The following GSDMC variants were observed in gnomAD, a reference collection of about 807,000 sequenced individuals.
GSDMC encodes gasdermin-C.
Under a neutral mutation model 58.0 loss-of-function variants are expected in GSDMC, and 59 were observed. The observed-to-expected ratio is 1.02, with a 90% confidence interval of 0.82 to 1.26. GSDMC has a LOEUF of 1.26. Ranked by LOEUF, GSDMC falls within the 50% of genes most tolerant of loss-of-function variation. The pLI is 0.00. For missense variants in GSDMC, 659 were observed against 598.5 expected (o/e 1.10, Z -1.06); for synonymous variants, 241 against 220.2 (o/e 1.09, Z -0.83).
At chr8:129,708,765 C>A in the GSDMC span, among the ~76,000 whole-genome samples, 19 of 152,392 alleles carry the variant, frequency 1.2e-4, no homozygotes, top group Middle Eastern at 6.8e-3. Flanking sequence ...TAACAGCAAA[C>A]AAAACAGCTG....
intron 12 of GSDMC, 54 bp from the exon 13 acceptor site, chr8:129,749,579 C>T: frequency 2.2e-6 from 3 of 1,351,998 alleles, no homozygotes; most frequent in Non-Finnish European, 3.2e-6. Context: ...CAGATTTTTC[C>T]TCCCACCATA....
chr8:129,785,794 T>A (rs2034539196), intron 1 of GSDMC, among the ~76,000 whole-genome samples: 1 of 152,082 alleles, frequency 6.6e-6, no homozygotes, highest in Non-Finnish European at 1.5e-5. Context: ...GATGCTTCTT[T>A]AAGACTGGAC....
At chr8:129,729,301 G>T in the GSDMC span, 3 of 566,930 alleles carry the variant, frequency 5.3e-6, no homozygotes, top group East Asian at 4.0e-5. Flanking sequence ...ATAGGCACAT[G>T]AAATTTGTTT....
chr8:129,728,113 C>G, the GSDMC span, among the ~76,000 whole-genome samples: 4 of 152,090 alleles, frequency 2.6e-5, no homozygotes, highest in Non-Finnish European at 5.9e-5. Flanking sequence ...AAGGTCTTCA[C>G]TGCTCTACAC....
downstream of GSDMC, among the ~76,000 whole-genome samples, chr8:129,743,407 T>G (rs2032904951): frequency 6.6e-6 from 1 of 152,192 alleles, no homozygotes; most frequent in African/African-American, 2.4e-5. Context: ...ATTTTTTAGC[T>G]CTAGACATTC....
At chr8:129,736,802 A>G in the GSDMC span, among the ~76,000 whole-genome samples, 4 of 152,022 alleles carry the variant, frequency 2.6e-5, no homozygotes, top group African/African-American at 9.7e-5. Flanking sequence ...CAATCAGGCA[A>G]GAGAAAGAAA....
intron 1 of GSDMC, among the ~76,000 whole-genome samples, chr8:129,784,255 G>C (rs2034494704): frequency 6.6e-6 from 1 of 151,958 alleles, no homozygotes; most frequent in African/African-American, 2.4e-5. Flanking sequence ...ATCTCATCAA[G>C]TTACAAAGCT....
intron 3 of GSDMC, among the ~76,000 whole-genome samples, chr8:129,775,814 T>C (rs1347386293): frequency 6.6e-6 from 1 of 152,250 alleles, no homozygotes; most frequent in African/African-American, 2.4e-5. Context: ...CCACTAAATG[T>C]AAGCTGCTTT....
At chr8:129,737,038 C>A in the GSDMC span, among the ~76,000 whole-genome samples, 1 of 152,140 alleles carries the variant, frequency 6.6e-6, no homozygotes, top group African/African-American at 2.4e-5. Flanking sequence ...CTCCCATTCA[C>A]AATTGCTACA....
rs2034108500 is a variant in GSDMC, at chr8:129,772,927, T to G, written c.404+3175A>C. Among the ~76,000 whole-genome samples, 4 of 152,256 alleles carry G rather than the reference T, an allele frequency of 2.6e-5. No homozygotes were observed. The South Asian group carries it at 8.3e-4, about 32-fold the overall frequency. On this transcript the variant is annotated intron_variant, in intron 3 of 13. Transcript: ENST00000276708. ...AAAAGGAACATACACCACAAACAAG[T>G]GGAATTTATACCTGGAATGAAAGGA...
chr8:129,710,486 C>A, the GSDMC span, among the ~76,000 whole-genome samples: 1 of 152,284 alleles, frequency 6.6e-6, no homozygotes, highest in Middle Eastern at 3.4e-3. Context: ...GAATCAGGGT[C>A]CTGGGCTTTT....
At chr8:129,733,019 G>A in the GSDMC span, among the ~76,000 whole-genome samples, 2 of 152,250 alleles carry the variant, frequency 1.3e-5, no homozygotes, top group Non-Finnish European at 2.9e-5. Context: ...TCCCGCATGT[G>A]GCTCAGCAGG....
At chr8:129,712,332 A>G in the GSDMC span, among the ~76,000 whole-genome samples, 1 of 152,236 alleles carries the variant, frequency 6.6e-6, no homozygotes. Context: ...TGGATGGTCC[A>G]GGATAGTCTA....
chr8:129,749,534 G>A lies in GSDMC; in HGVS notation c.1214-9C>T, dbSNP rs2033084367. 1 of 1,608,828 alleles carries A rather than the reference G, an allele frequency of 6.2e-7. No individual in the cohort carries two copies. The highest frequency in any genetic ancestry group is 1.3e-5 in the African/African-American group (1 of 74,818). On this transcript the variant is annotated splice_polypyrimidine_tract_variant and intron_variant, in intron 12 of 13. Transcript: ENST00000276708. ...TTGGAAGTCACTCAGCACTGAGGGT[G>A]GGGGACATGTGGGGAAAGACAGTAG...
chr8:129,730,434 CA>C, the GSDMC span: 2 of 1,115,474 alleles, frequency 1.8e-6, no homozygotes, highest in South Asian at 1.7e-5. Context: ...AATTATTTCC[CA>C]AAAAGTTTAA....
intron 12 of GSDMC, among the ~76,000 whole-genome samples, 197 bp from the exon 13 acceptor site, chr8:129,749,722 C>T (rs1046650309): frequency 2.0e-4 from 31 of 152,286 alleles, no homozygotes; most frequent in African/African-American, 5.3e-4. Flanking sequence ...GACCAGAGGA[C>T]GGGATTCAGG....
chr8:129,734,851 A>C, the GSDMC span, among the ~76,000 whole-genome samples: 1 of 152,238 alleles, frequency 6.6e-6, no homozygotes, highest in African/African-American at 2.4e-5. Flanking sequence ...TGTTCCAATT[A>C]AAAGACACAG....
chr8:129,705,728 C>G, the GSDMC span: 1 of 152,128 alleles, frequency 6.6e-6, no homozygotes, highest in African/African-American at 2.4e-5. Context: ...GGGACACAAC[C>G]AAACCATATC....
chr8:129,748,819 C>A (rs2033047883), intron 13 of GSDMC, 79 bp from the exon 14 acceptor site: 1 of 1,220,682 alleles, frequency 8.2e-7, no homozygotes, highest in Non-Finnish European at 1.1e-6. Context: ...TATCCAGGGG[C>A]CATGCAGGAT....
Sources: gnomAD v4.1 joint callset for allele counts (sites outside exome capture counted in the v4.1 genomes callset) on GRCh38, gnomAD v4.1.1 for gene constraint, MANE v1.5 for transcripts, NCBI Gene and HGNC (gene_info 2026-07-23, HGNC 2026-07-21) for gene names.